The following MSH3 variants were observed in gnomAD, a reference collection of about 807,000 sequenced individuals.
MSH3 encodes DNA mismatch repair protein Msh3.
In MSH3, 106 loss-of-function variants were observed where a neutral mutation model predicts 123.3. The observed-to-expected ratio is 0.86, with a 90% confidence interval of 0.73 to 1.01. MSH3 has a LOEUF of 1.01. Ranked by LOEUF, MSH3 falls within the 50% of genes least tolerant of loss-of-function variation. The pLI is 0.00. For synonymous variants in MSH3, 515 were observed against 481.4 expected, an observed-to-expected ratio of 1.07 and a Z score of -0.91; for missense variants, 1,459 against 1,347.6, an observed-to-expected ratio of 1.08 and a Z score of -1.29.
At chr5:80,818,737 C>T (rs1745150118) in intron 20 of MSH3, among the ~76,000 whole-genome samples, 1 of 152,062 alleles carries the variant, frequency 6.6e-6, no homozygotes, top group Admixed American at 6.5e-5. Flanking sequence ...ATATACATCA[C>T]AATAATCAAG....
At chr5:80,726,831 T>G (rs1465056356) in intron 9 of MSH3, among the ~76,000 whole-genome samples, 1 of 152,182 alleles carries the variant, frequency 6.6e-6, no homozygotes, top group Non-Finnish European at 1.5e-5. Context: ...TATGTTCAAC[T>G]AAAGACCTGA....
At chr5:80,717,433 A>ATTTATATTATTTTTTTTAGAGAC in intron 8 of MSH3, among the ~76,000 whole-genome samples, 1 of 152,030 alleles carries the variant, frequency 6.6e-6, no homozygotes, top group South Asian at 2.1e-4. Flanking sequence ...TGCCCAGCTA[A>ATTTATATTATTTTTTTTAGAGAC]TTTATATTAT....
intron 19 of MSH3, among the ~76,000 whole-genome samples, chr5:80,795,509 CA>C (rs1157035972): frequency 6.6e-6 from 1 of 152,106 alleles, no homozygotes; most frequent in Non-Finnish European, 1.5e-5. Context: ...TGTATTCACA[CA>C]GTGGAAGGGA....
At chr5:80,819,508 C>T (rs1328419416) in intron 20 of MSH3, among the ~76,000 whole-genome samples, 54 of 140,614 alleles carry the variant, frequency 3.8e-4, no homozygotes, top group African/African-American at 5.8e-4. Context: ...GACGGAGTTT[C>T]GCTCCTGTCG....
intron 17 of MSH3, among the ~76,000 whole-genome samples, chr5:80,787,072 G>C (rs1744522027): frequency 1.1e-5 from 1 of 94,718 alleles, no homozygotes; most frequent in South Asian, 4.2e-4. Context: ...CTAGATGTTA[G>C]GTCTACAATG....
At chr5:80,667,829 C>T (rs968456878) in intron 3 of MSH3, among the ~76,000 whole-genome samples, 5 of 152,152 alleles carry the variant, frequency 3.3e-5, no homozygotes, top group African/African-American at 4.8e-5. Flanking sequence ...TCTGAGCTCC[C>T]CAGAGGTCCA....
At chr5:80,719,539 A>G (rs1226067167) in intron 8 of MSH3, among the ~76,000 whole-genome samples, 2 of 152,168 alleles carry the variant, frequency 1.3e-5, no homozygotes, top group Non-Finnish European at 2.9e-5. Flanking sequence ...TTCTTATGTA[A>G]GTACTCTGAT....
chr5:80,728,341 A>G (rs1181826074), intron 9 of MSH3, among the ~76,000 whole-genome samples: 1 of 152,248 alleles, frequency 6.6e-6, no homozygotes, highest in African/African-American at 2.4e-5. Flanking sequence ...TCACTTAGCA[A>G]CATGTTATAG....
rs768150895 is a variant in MSH3 at position 80,792,804 on chromosome 5, G to C, written c.2615G>C (p.Gly872Ala). The change falls in exon 19 of 24, where the codon GGA becomes GCA. Residue 872 changes from glycine to alanine, a missense_variant. By Grantham distance (60) the Gly-to-Ala change is moderately conservative. Transcript: ENST00000265081. ...GRHPVIDVLL[G>A]EQDQYVPNNT... The stretch of plus-strand genomic sequence containing the variant: ...CACCCTGTGATTGATGTGTTGCTGG[G>C]AGAACAGGATCAATATGTCCCAAAT... 1 of 1,613,278 alleles carries C rather than the reference G, an allele frequency of 6.2e-7. No individual in the cohort carries two copies. The highest frequency in any genetic ancestry group is 1.3e-5 in the African/African-American group (1 of 75,008).
chr5:80,657,782 A>G (rs1166008343), intron 2 of MSH3, among the ~76,000 whole-genome samples: 3 of 152,312 alleles, frequency 2.0e-5, no homozygotes, highest in Admixed American at 1.3e-4. Flanking sequence ...AAATAACTAC[A>G]GGAATGGAGA....
At chr5:80,862,818 T>G (rs1289371526) in intron 21 of MSH3, among the ~76,000 whole-genome samples, 1 of 152,048 alleles carries the variant, frequency 6.6e-6, no homozygotes, top group Non-Finnish European at 1.5e-5. Flanking sequence ...TTTAAAATGG[T>G]GGAGGTGAGT....
At chr5:80,871,490 C>T (rs1249027027) in intron 22 of MSH3, among the ~76,000 whole-genome samples, 2 of 152,210 alleles carry the variant, frequency 1.3e-5, no homozygotes, top group Non-Finnish European at 2.9e-5. Context: ...ATCAGGGCAG[C>T]AGCCATGTCA....
At chr5:80,855,080 T>G (rs1745893398) in intron 21 of MSH3, among the ~76,000 whole-genome samples, 1 of 152,178 alleles carries the variant, frequency 6.6e-6, no homozygotes, top group Admixed American at 6.5e-5. Context: ...ATTTCTAAGC[T>G]TCAGTGTAAA....
chr5:80,698,840 T>C (rs984770501), intron 8 of MSH3, among the ~76,000 whole-genome samples: 4 of 151,898 alleles, frequency 2.6e-5, no homozygotes, highest in Non-Finnish European at 4.4e-5. Context: ...TTAGGAGATA[T>C]ACCTAATGTA....
In MSH3 at chr5:80,672,367, T is replaced by G. The variant is rs764300040; in HGVS notation, c.909+7T>G. ...GGTGGCAAAAGGATATAAGGTCAGC[T>G]TTGGCTTTAACTTGTGGGGAAAGGA... On this transcript the variant is annotated splice_region_variant and intron_variant, in intron 5 of 23. Coordinates refer to ENST00000265081, the MANE Select transcript of MSH3 (RefSeq NM_002439.5). The G allele has an allele frequency of 1.9e-6, 3 of 1,598,548 alleles. No individual in the cohort carries two copies. In the Admixed American group the frequency reaches 5.0e-5, roughly 27 times the overall value.
chr5:80,858,670 A>T lies in MSH3; in HGVS notation c.3000+4354A>T, dbSNP rs77974378. Among the ~76,000 whole-genome samples the T allele has an allele frequency of 8.9e-3, 1,357 of 152,206 alleles. 25 individuals are homozygous for T. The highest frequency in any genetic ancestry group is 0.031 in the African/African-American group (1,295 of 41,546). On this transcript the variant is annotated intron_variant, in intron 21 of 23. Coordinates refer to ENST00000265081, the MANE Select transcript of MSH3 (RefSeq NM_002439.5). ...AATGTTCCATGTTAGCTTGAGATGA[A>T]TGTGTATTCAGCTGTTGGTTGAAGT...
intron 2 of MSH3, among the ~76,000 whole-genome samples, chr5:80,660,882 C>T (rs1442658231): frequency 6.6e-6 from 1 of 152,138 alleles, no homozygotes; most frequent in Non-Finnish European, 1.5e-5. Context: ...ACTGCAACCT[C>T]TGCCCCGCCA....
At position 80,840,475 on chromosome 5, in the gene MSH3, A is replaced by G. The variant is rs191353882; in HGVS notation, c.2814-13655A>G. Among the ~76,000 whole-genome samples, 371 of 151,624 alleles carry G rather than the reference A, an allele frequency of 2.4e-3. 4 individuals carry two copies. The highest frequency in any genetic ancestry group is 8.6e-3 in the African/African-American group (354 of 41,298). ...GTTGCCCAGGCTGGAGGGCAGTGGCATAATCTCAGCTCACTGCAAACTCCG... is the reference window on the plus strand; with the variant it reads ...GTTGCCCAGGCTGGAGGGCAGTGGCGTAATCTCAGCTCACTGCAAACTCCG... On this transcript the variant is annotated intron_variant, in intron 20 of 23. Coordinates refer to ENST00000265081, the MANE Select transcript of MSH3 (RefSeq NM_002439.5).
chr5:80,812,991 G>A (rs1745035574), intron 19 of MSH3, among the ~76,000 whole-genome samples: 1 of 152,142 alleles, frequency 6.6e-6, no homozygotes, highest in Non-Finnish European at 1.5e-5. Flanking sequence ...GTGTGTACCT[G>A]GAAAATACTA....
Sources: gnomAD v4.1 joint callset for allele counts (sites outside exome capture counted in the v4.1 genomes callset) on GRCh38, gnomAD v4.1.1 for gene constraint, MANE v1.5 for transcripts, NCBI Gene and HGNC (gene_info 2026-07-23, HGNC 2026-07-21) for gene names.